Variants in PCNX1 observed in about 807,000 individuals in gnomAD.
The protein encoded by PCNX1 is pecanex 1.
PCNX1 carries 78 observed loss-of-function variants against 242.2 expected under a neutral mutation model. The ratio of observed to expected loss-of-function variants is 0.32; its 90% confidence interval spans 0.27 to 0.39. PCNX1 has a LOEUF of 0.39. PCNX1 is among the 10% of genes least tolerant of loss of function. The pLI is 1.00. For synonymous variants in PCNX1, 1,024 were observed against 1,032.9 expected (o/e 0.99, Z 0.17); for missense variants, 2,581 against 2,856.5 (o/e 0.90, Z 2.20).
Position 70,907,599 on chromosome 14 carries a change from C to T in PCNX1, c.-252C>T, listed in dbSNP as rs2055614403. 1 of 238,460 alleles carries T rather than the reference C, an allele frequency of 4.2e-6. No individual in the cohort carries two copies. The highest frequency in any genetic ancestry group is 7.7e-6 in the Non-Finnish European group (1 of 129,220). 14.8% of individuals were successfully genotyped at this position (238,460 alleles called of 1,614,324 possible). A position where few individuals can be genotyped will look rare whatever the true frequency, so the allele number is the denominator to read the frequency against. ...CAAGATGGCGGCGGCTCTCAGAAGGCCGGTCTCCTCCTCTCCGCCGTCCTC... is the reference window on the plus strand; with the variant it reads ...CAAGATGGCGGCGGCTCTCAGAAGGTCGGTCTCCTCCTCTCCGCCGTCCTC... On this transcript the variant is annotated 5_prime_UTR_variant, in exon 1 of 36. Coordinates refer to ENST00000304743, the MANE Select transcript of PCNX1 (RefSeq NM_014982.3).
chr14:70,923,099 C>CAA (rs1454917088), intron 1 of PCNX1, among the ~76,000 whole-genome samples: 1 of 91,806 alleles, frequency 1.1e-5, no homozygotes, highest in Non-Finnish European at 2.5e-5. Flanking sequence ...GCCTAGTAGA[C>CAA]ACACACACGT....
chr14:71,090,390 C>A (rs1296264802), intron 30 of PCNX1, among the ~76,000 whole-genome samples: 1 of 152,168 alleles, frequency 6.6e-6, no homozygotes, highest in Non-Finnish European at 1.5e-5. Context: ...CTAATTGAAT[C>A]TTTTGCCCCC....
At position 71,111,901 on chromosome 14, in the gene PCNX1, T is replaced by C. The variant is rs1404907138; in HGVS notation, c.*1966T>C. Reference sequence around the variant, plus strand: ...TTAAAAATGTATTTTTGTGATACCGTCATTATGTTCTGCATTTGCCTCATT... The same window carrying C: ...TTAAAAATGTATTTTTGTGATACCGCCATTATGTTCTGCATTTGCCTCATT... On this transcript the variant is annotated 3_prime_UTR_variant, in exon 36 of 36. Coordinates refer to ENST00000304743, the MANE Select transcript of PCNX1 (RefSeq NM_014982.3). 6.6e-5 allele frequency: 10 copies of C among 152,536 alleles called. No individual in the cohort carries two copies. Among genetic ancestry groups the C allele is most frequent in the Non-Finnish European group, 1.3e-4 (9 of 67,936 alleles). 9.4% of individuals were successfully genotyped at this position (152,536 alleles called of 1,614,324 possible).
At chr14:70,994,179 A>T (rs77051456) in intron 7 of PCNX1, among the ~76,000 whole-genome samples, 2 of 151,738 alleles carry the variant, frequency 1.3e-5, no homozygotes, top group Non-Finnish European at 2.9e-5. Context: ...GAAATATTCT[A>T]TAATCTGCCC....
chr14:71,062,069 G>A (rs555765268), intron 26 of PCNX1, among the ~76,000 whole-genome samples: 17 of 152,004 alleles, frequency 1.1e-4, no homozygotes, highest in Non-Finnish European at 2.5e-4. Context: ...AGAGAGGAAT[G>A]TTCTTGCTGC....
At position 71,109,441 on chromosome 14, in the gene PCNX1, T is replaced by C. The variant is rs774352610; in HGVS notation, c.6745-11T>C. 52 of 1,590,580 alleles carry C rather than the reference T, an allele frequency of 3.3e-5. No individual in the cohort carries two copies. The highest frequency in any genetic ancestry group is 3.8e-5 in the Non-Finnish European group (45 of 1,170,366). On this transcript the variant is annotated splice_polypyrimidine_tract_variant and intron_variant, in intron 34 of 35. Transcript: ENST00000304743. ...AAAAATGAATTGGAAATGTTTTTAT[T>C]TACCATGTAGATTGTGGATCCCAGT...
In PCNX1 at chr14:71,108,779, A is replaced by C. The variant is rs1243160420; in HGVS notation, c.6477A>C (p.Arg2159=). 1 of 1,614,264 alleles carries C rather than the reference A, an allele frequency of 6.2e-7. No individual in the cohort carries two copies. The highest frequency in any genetic ancestry group is 8.5e-7 in the Non-Finnish European group (1 of 1,180,046). Residue 2159 remains arginine, a synonymous_variant, in exon 34 of 36, where the codon CGA becomes CGC. Coordinates refer to ENST00000304743, the MANE Select transcript of PCNX1 (RefSeq NM_014982.3). The part of the protein sequence containing the change: ...RRSSTSQISL[R]NLPSSIQSRL... ...CTTCTACTAGTCAGATATCGCTTCG[A>C]AACTTGCCATCATCCATCCAATCCC... is the stretch of plus-strand genomic sequence containing the variant.
intron 6 of PCNX1, among the ~76,000 whole-genome samples, chr14:70,978,997 TA>T (rs1728735128): frequency 6.6e-6 from 1 of 152,176 alleles, no homozygotes; most frequent in Admixed American, 6.5e-5. Context: ...TATAATTATT[TA>T]AGGGCACCAA....
At position 71,013,360 on chromosome 14, in the gene PCNX1, C is replaced by T. The variant is rs199869883; in HGVS notation, c.2996+158C>T. ...AAACTTAAGGTAATGGGTTTCTAAACAGTGACTATCTTAAATCCATTAAAA... is the reference window on the plus strand; with the variant it reads ...AAACTTAAGGTAATGGGTTTCTAAATAGTGACTATCTTAAATCCATTAAAA... On this transcript the variant is annotated intron_variant, in intron 11 of 35. Coordinates refer to ENST00000304743, the MANE Select transcript of PCNX1 (RefSeq NM_014982.3). Among the ~76,000 whole-genome samples, 3 of 152,138 alleles carry T rather than the reference C, an allele frequency of 2.0e-5. No homozygotes were observed. The East Asian group carries it at 5.8e-4, about 29-fold the overall frequency.
At chr14:71,022,864 A>G (rs2060141772) in intron 12 of PCNX1, among the ~76,000 whole-genome samples, 1 of 152,132 alleles carries the variant, frequency 6.6e-6, no homozygotes. Flanking sequence ...ACTTGTATTT[A>G]GTATACCTTA....
chr14:71,033,468 A>AT lies in PCNX1; in HGVS notation c.3604dup (p.Cys1202LeufsTer17). The stretch of plus-strand genomic sequence containing the variant: ...CCAGCATATTCCAGTACTTTTCTCC[A>AT]TTTTTTGTGGTTTATTAGTGGCAGT... On this transcript the variant is annotated frameshift_variant, in exon 17 of 36. Transcript: ENST00000304743. LOFTEE classifies it high-confidence loss of function. The AT allele has an allele frequency of 1.9e-6, 3 of 1,610,040 alleles. No individual in the cohort carries two copies. The highest frequency in any genetic ancestry group is 1.1e-5 in the South Asian group (1 of 90,942).
chr14:70,967,391 G>A (rs1402941101), intron 3 of PCNX1, among the ~76,000 whole-genome samples: 5 of 152,162 alleles, frequency 3.3e-5, no homozygotes, highest in Non-Finnish European at 7.4e-5. Flanking sequence ...CCATGAAAAC[G>A]AGTTACAGGA....
rs577019896 is a variant in PCNX1 at position 71,066,560 on chromosome 14, A to G, written c.4853-6985A>G. 3.5e-3 allele frequency among the ~76,000 whole-genome samples: 540 copies of G among 152,310 alleles called. 1 individual carries two copies. The highest frequency in any genetic ancestry group is 0.013 in the African/African-American group (524 of 41,570). Reference sequence around the variant, plus strand: ...ACAATCATGTCATCTGCAAACAGAGACAATTTGACTTCCTCTCTTCCTATT... The same window carrying G: ...ACAATCATGTCATCTGCAAACAGAGGCAATTTGACTTCCTCTCTTCCTATT... On this transcript the variant is annotated intron_variant, in intron 26 of 35. Coordinates refer to ENST00000304743, the MANE Select transcript of PCNX1 (RefSeq NM_014982.3).
At chr14:71,056,257 C>CA (rs1352689440) in intron 25 of PCNX1, among the ~76,000 whole-genome samples, 3 of 152,176 alleles carry the variant, frequency 2.0e-5, no homozygotes, top group Non-Finnish European at 4.4e-5. Flanking sequence ...GATTAATTCT[C>CA]AGTGATAAAA....
At chr14:70,987,718 G>A (rs569064605) in intron 6 of PCNX1, among the ~76,000 whole-genome samples, 1 of 152,130 alleles carries the variant, frequency 6.6e-6, no homozygotes, top group African/African-American at 2.4e-5. Context: ...GTCAATTTTT[G>A]TGGTTTTGTA....
rs527311840 is a variant in PCNX1, at chr14:70,932,081, C to T, written c.154-14834C>T. 1.3e-3 allele frequency among the ~76,000 whole-genome samples: 204 copies of T among 152,282 alleles called. 9 individuals are homozygous for T. In the South Asian group the frequency reaches 0.04, roughly 30 times the overall value. ...GGCAGAGGTTGCAGAGAGCCGAGAT[C>T]GCGCCATTGCACTCCAGCCTGGGCA... On this transcript the variant is annotated intron_variant, in intron 1 of 35. Coordinates refer to ENST00000304743, the MANE Select transcript of PCNX1 (RefSeq NM_014982.3).
Position 70,976,534 on chromosome 14 carries a change from G to A in PCNX1, c.605-408G>A, listed in dbSNP as rs527394211. On this transcript the variant is annotated intron_variant, in intron 5 of 35. Coordinates refer to ENST00000304743, the MANE Select transcript of PCNX1 (RefSeq NM_014982.3). ...ACTACAGGCGCTCGCCACCACGCCCGGCTAATTTTTTTGTATTTTTAGTAG... is the reference window on the plus strand; with the variant it reads ...ACTACAGGCGCTCGCCACCACGCCCAGCTAATTTTTTTGTATTTTTAGTAG... Among the ~76,000 whole-genome samples, 9 of 152,010 alleles carry A rather than the reference G, an allele frequency of 5.9e-5. No individual in the cohort carries two copies. The South Asian group carries it at 6.2e-4, about 11-fold the overall frequency.
chr14:70,978,211 C>T lies in PCNX1; in HGVS notation c.1874C>T (p.Ser625Phe), dbSNP rs766051275. ...GCTCACCAGTTCAGCAGTGATAGCT[C>T]TTCTAGCACCACTTCTCATTCCTGT... ...QSAHQFSSDSSSSTTSHSCQS... is the reference protein window; with the variant it reads ...QSAHQFSSDSFSSTTSHSCQS... Residue 625 changes from serine (S) to phenylalanine (F), a missense_variant, in exon 6 of 36, where the codon TCT (serine) becomes TTT (phenylalanine). Ser to Phe is a radical substitution (Grantham distance 155, BLOSUM62 -2). Around this residue, in one of 9 missense-constraint regions of PCNX1, gnomAD observed 1,204 missense variants for 1,216.7 expected, o/e 0.99. Coordinates refer to ENST00000304743, the MANE Select transcript of PCNX1 (RefSeq NM_014982.3). The T allele has an allele frequency of 1.2e-6, 2 of 1,614,028 alleles. No homozygotes were observed. Among genetic ancestry groups the T allele is most frequent in the Admixed American group, 1.7e-5 (1 of 60,016 alleles).
At chr14:71,047,146 G>A (rs998219217) in intron 21 of PCNX1, 41 bp downstream of exon 21, 3 of 1,224,776 alleles carry the variant, frequency 2.4e-6, no homozygotes, top group Middle Eastern at 2.2e-4. Context: ...ACTACTGGGG[G>A]CTGTTATAAA....
Sources: gnomAD v4.1 joint callset for allele counts (sites outside exome capture counted in the v4.1 genomes callset) on GRCh38, gnomAD v4.1.1 for gene constraint, gnomAD v4.1.1 regional missense constraint, MANE v1.5 for transcripts, NCBI Gene and HGNC (gene_info 2026-07-23, HGNC 2026-07-21) for gene names.